CACNA1I: variants seen among roughly 807,000 people sequenced by gnomAD.
CACNA1I encodes the protein voltage-dependent T-type calcium channel subunit alpha-1I.
CACNA1I carries 74 observed loss-of-function variants against 201.6 expected under a neutral mutation model. The observed-to-expected ratio is 0.37, with a 90% CI of 0.30 to 0.45. The LOEUF is 0.45. Ranked by LOEUF, CACNA1I falls within the 20% of genes least tolerant of loss-of-function variation. CACNA1I has a pLI of 1.00. For missense variants in CACNA1I, 2,346 were observed against 3,138.1 expected, an observed-to-expected ratio of 0.75 and a Z score of 6.03; for synonymous variants, 1,431 against 1,345.2, an observed-to-expected ratio of 1.06 and a Z score of -1.40.
In CACNA1I at chr22:39,682,517, C is replaced by T; in HGVS notation, c.5686C>T (p.Pro1896Ser). ...DSKGELDPPE[P>S]MRVGDLGECF... ...GCAGGGTGAGCTGGACCCACCTGAG[C>T]CCATGCGTGTGGGAGACCTGGGCGA... Residue 1896 changes from proline (P) to serine (S), a missense_variant, in exon 35 of 37, where the codon CCC becomes TCC. Physicochemically the swap from Pro to Ser is moderately conservative, Grantham distance 74. Around this residue, in one of 13 missense-constraint regions of CACNA1I, gnomAD observed 441 missense variants for 555.6 expected, o/e 0.79. Coordinates refer to ENST00000402142, the MANE Select transcript of CACNA1I (RefSeq NM_021096.4). 6.2e-7 allele frequency: 1 copy of T among 1,613,682 alleles called. No homozygotes were observed. The highest frequency in any genetic ancestry group is 8.5e-7 in the Non-Finnish European group (1 of 1,179,788).
At chr22:39,585,698 T>G (rs1175366746) in intron 1 of CACNA1I, among the ~76,000 whole-genome samples, 1 of 123,396 alleles carries the variant, frequency 8.1e-6, no homozygotes, top group Non-Finnish European at 1.6e-5. Flanking sequence ...AGCTGTAAAC[T>G]TAAAAAAAAA....
intron 5 of CACNA1I, among the ~76,000 whole-genome samples, chr22:39,635,583 G>T (rs905337171): frequency 3.9e-4 from 59 of 152,318 alleles, no homozygotes; most frequent in African/African-American, 1.4e-3. Context: ...CGCTGTGGGG[G>T]AACAGTAGGG....
At chr22:39,669,730 G>T (rs1441964285) in intron 24 of CACNA1I, among the ~76,000 whole-genome samples, 2 of 152,108 alleles carry the variant, frequency 1.3e-5, no homozygotes, top group Non-Finnish European at 2.9e-5. Context: ...TGGGAGGATA[G>T]GTGGATGGAT....
chr22:39,573,801 A>G (rs947899570), intron 1 of CACNA1I, among the ~76,000 whole-genome samples: 3 of 152,132 alleles, frequency 2.0e-5, no homozygotes, highest in African/African-American at 7.2e-5. Flanking sequence ...GTTGGAGACA[A>G]CAGTGGGGCT....
intron 10 of CACNA1I, among the ~76,000 whole-genome samples, chr22:39,653,470 C>A (rs1382710777): frequency 6.6e-6 from 1 of 152,180 alleles, no homozygotes; most frequent in African/African-American, 2.4e-5. Context: ...TTTGAGCAGC[C>A]CTGTCTGAGG....
Position 39,684,915 on chromosome 22 carries a change from G to C in CACNA1I, c.6027+417G>C, listed in dbSNP as rs1935812679. 2.7e-6 allele frequency: 1 copy of C among 367,442 alleles called. No homozygotes were observed. Among genetic ancestry groups the C allele is most frequent in the African/African-American group, 2.0e-5 (1 of 49,068 alleles). The allele number at this position is 367,442 out of a possible 1,614,324, so 22.8% of individuals were successfully genotyped here. Reference sequence around the variant, plus strand: ...GGAATGGAGGTGGGAGGGCGGGTCTGGTGGATGAGAAGCCTCGGGCTGCAG... The same window carrying C: ...GGAATGGAGGTGGGAGGGCGGGTCTCGTGGATGAGAAGCCTCGGGCTGCAG... On this transcript the variant is annotated intron_variant, in intron 36 of 36. Coordinates refer to ENST00000402142, the MANE Select transcript of CACNA1I (RefSeq NM_021096.4). The surrounding 1 kb of genome is among the most constrained non-coding windows in gnomAD (Gnocchi z 4.6).
intron 18 of CACNA1I, 95 bp downstream of exon 18, chr22:39,662,971 TC>T: frequency 1.2e-6 from 1 of 864,864 alleles, no homozygotes; most frequent in Non-Finnish European, 1.9e-6. Flanking sequence ...GGTGGCGCTC[TC>T]CCAGACCACA....
In CACNA1I at chr22:39,684,509, C is replaced by T. The variant is rs763300212; in HGVS notation, c.6027+11C>T. ...ACCCTCCTCCGGCAGGTACCGACAC[C>T]TCCCAGGCCCTAGAGCACTGGTCTG... On this transcript the variant is annotated intron_variant, in intron 36 of 36. Coordinates refer to ENST00000402142, the MANE Select transcript of CACNA1I (RefSeq NM_021096.4). The surrounding 1 kb of genome is among the most constrained non-coding windows in gnomAD (Gnocchi z 4.6). The T allele has an allele frequency of 6.2e-7, 1 of 1,609,756 alleles. No homozygotes were observed. The highest frequency in any genetic ancestry group is 8.5e-7 in the Non-Finnish European group (1 of 1,178,272).
chr22:39,665,023 C>T lies in CACNA1I; in HGVS notation c.3851+100C>T. The T allele has an allele frequency of 2.7e-6, 3 of 1,116,608 alleles. No homozygotes were observed. The highest frequency in any genetic ancestry group is 3.9e-6 in the Non-Finnish European group (3 of 776,716). 69.2% of individuals were successfully genotyped at this position (1,116,608 alleles called of 1,614,324 possible). ...TCACTCCGCCCTCCCCGCCCGCCCA[C>T]TCGGTCCTCCAATAGTGAGTGCCAA... On this transcript the variant is annotated intron_variant, in intron 21 of 36. Coordinates refer to ENST00000402142, the MANE Select transcript of CACNA1I (RefSeq NM_021096.4). The surrounding 1 kb of genome is among the most constrained non-coding windows in gnomAD (Gnocchi z 5.5).
intron 3 of CACNA1I, among the ~76,000 whole-genome samples, chr22:39,610,938 C>G (rs1394356037): frequency 6.6e-6 from 1 of 152,132 alleles, no homozygotes; most frequent in African/African-American, 2.4e-5. Flanking sequence ...CATCCCTAAG[C>G]CAATCACTGA....
In CACNA1I at chr22:39,648,957, G is replaced by T. The variant is rs1051973057; in HGVS notation, c.1568-544G>T. 2.6e-5 allele frequency among the ~76,000 whole-genome samples: 4 copies of T among 151,844 alleles called. No individual in the cohort carries two copies. Among genetic ancestry groups the T allele is most frequent in the African/African-American group, 7.3e-5 (3 of 41,352 alleles). ...AGTCCCAGGGGCTTCTGGAGTGAGGGTCTGCCCTTGCCCCAGGGCTCCATG... is the reference window on the plus strand; with the variant it reads ...AGTCCCAGGGGCTTCTGGAGTGAGGTTCTGCCCTTGCCCCAGGGCTCCATG... On this transcript the variant is annotated intron_variant, in intron 9 of 36. Coordinates refer to ENST00000402142, the MANE Select transcript of CACNA1I (RefSeq NM_021096.4). The surrounding 1 kb of genome is among the most constrained non-coding windows in gnomAD (Gnocchi z 5.4).
chr22:39,599,421 C>A (rs1932971448), intron 2 of CACNA1I, among the ~76,000 whole-genome samples: 1 of 140,906 alleles, frequency 7.1e-6, no homozygotes. Flanking sequence ...AGATCGAGAC[C>A]ATCCCGGCTA....
At chr22:39,611,616 C>T (rs1437193029) in intron 3 of CACNA1I, among the ~76,000 whole-genome samples, 3 of 152,170 alleles carry the variant, frequency 2.0e-5, no homozygotes, top group Non-Finnish European at 2.9e-5. Context: ...CTAAGTTTCA[C>T]GGGAGGCAGA....
chr22:39,662,045 C>G lies in CACNA1I; in HGVS notation c.2982C>G (p.Leu994=), dbSNP rs1935029351. The G allele has an allele frequency of 1.9e-6, 3 of 1,564,886 alleles. No homozygotes were observed. The East Asian group carries it at 7.2e-5, about 38-fold the overall frequency. ...WASRRSSWNS[L]KHKPPSAEHE... The stretch of plus-strand genomic sequence containing the variant: ...GCCGTCGCTCCAGCTGGAACAGCCT[C>G]AAGCACAAGCCGCCGTCGGCGGAGC... Residue 994 remains leucine (L), a synonymous_variant, in exon 17 of 37, where the codon CTC becomes CTG. Coordinates refer to ENST00000402142, the MANE Select transcript of CACNA1I (RefSeq NM_021096.4).
chr22:39,656,504 A>T (rs1425705351), intron 10 of CACNA1I: 4 of 511,432 alleles, frequency 7.8e-6, no homozygotes, highest in Admixed American at 3.9e-5. Context: ...TTGGTTTGTT[A>T]ACTTGGTTTA....
At chr22:39,656,732 G>C (rs1424309341) in intron 10 of CACNA1I, 1 of 519,076 alleles carries the variant, frequency 1.9e-6, no homozygotes, top group South Asian at 1.4e-5. Flanking sequence ...GCTTGGTTCA[G>C]TGCCCTGCCT....
chr22:39,620,554 C>T (rs956199128), intron 4 of CACNA1I, among the ~76,000 whole-genome samples: 9 of 152,178 alleles, frequency 5.9e-5, no homozygotes, highest in African/African-American at 2.2e-4. Context: ...TGCCATTTTA[C>T]AGATGAAAAA....
At chr22:39,667,155 C>T (rs1261109405) in intron 23 of CACNA1I, among the ~76,000 whole-genome samples, 1 of 152,246 alleles carries the variant, frequency 6.6e-6, no homozygotes, top group Non-Finnish European at 1.5e-5. Context: ...TTCCAGTGTC[C>T]TCATTTGTCA....
chr22:39,634,498 T>C (rs2030324752), intron 4 of CACNA1I, 67 bp from the exon 5 acceptor site: 1 of 1,504,734 alleles, frequency 6.6e-7, no homozygotes, highest in Non-Finnish European at 9.2e-7. Context: ...CTAACCTTGC[T>C]CTCACTCTTT....
Sources: allele counts gnomAD v4.1 joint callset (sites outside exome capture counted in the v4.1 genomes callset), GRCh38; gene constraint gnomAD v4.1.1; regional missense constraint gnomAD v4.1.1; non-coding constraint Gnocchi (gnomAD v3.1); transcripts MANE v1.5; gene names NCBI Gene and HGNC (gene_info 2026-07-23, HGNC 2026-07-21).